NARS2: variants seen among roughly 807,000 people sequenced by gnomAD.
The protein encoded by NARS2 is asparaginyl-tRNA synthetase.
In NARS2, 60 loss-of-function variants were observed where a neutral mutation model predicts 62.9. The ratio of observed to expected loss-of-function variants is 0.95; its 90% CI spans 0.77 to 1.18. The LOEUF is 1.18. Among genes scored for constraint, NARS2 ranks in the 50% most tolerant of loss-of-function variants. NARS2 has a pLI of 0.00. For missense variants in NARS2, 619 were observed against 576.4 expected, an observed-to-expected ratio of 1.07 and a Z score of -0.76; for synonymous variants, 196 against 200.0, an observed-to-expected ratio of 0.98 and a Z score of 0.17.
chr11:78,524,709 G>C (rs1861237617), intron 6 of NARS2, among the ~76,000 whole-genome samples: 1 of 151,848 alleles, frequency 6.6e-6, no homozygotes, highest in Non-Finnish European at 1.5e-5. Context: ...TCTGTCTACT[G>C]AAAGGTTTAA....
intron 6 of NARS2, among the ~76,000 whole-genome samples, chr11:78,499,137 T>G (rs1860187191): frequency 6.6e-6 from 1 of 151,858 alleles, no homozygotes; most frequent in Non-Finnish European, 1.5e-5. Flanking sequence ...AGGATGGTCT[T>G]GATCTCCTGA....
At chr11:78,559,092 C>T (rs1307491107) in intron 5 of NARS2, among the ~76,000 whole-genome samples, 2 of 152,042 alleles carry the variant, frequency 1.3e-5, no homozygotes, top group African/African-American at 4.8e-5. Context: ...ATTACAAGGT[C>T]AAGAGATCGA....
intron 9 of NARS2, among the ~76,000 whole-genome samples, chr11:78,478,182 C>G (rs1859187137): frequency 6.6e-6 from 1 of 151,992 alleles, no homozygotes; most frequent in Non-Finnish European, 1.5e-5. Context: ...TAGATTTTAT[C>G]TTGCTATGAT....
intron 6 of NARS2, among the ~76,000 whole-genome samples, chr11:78,525,030 G>A (rs947069207): frequency 6.6e-6 from 1 of 152,048 alleles, no homozygotes; most frequent in Non-Finnish European, 1.5e-5. Context: ...CTAAGCAAAA[G>A]AAGCCAATCT....
intron 7 of NARS2, among the ~76,000 whole-genome samples, chr11:78,485,365 G>C (rs1813008): frequency 0.3 from 46,069 of 151,718 alleles, 8,423 homozygotes; most frequent in African/African-American, 0.49. Flanking sequence ...AACAAACCTG[G>C]ACGTTCTGCA....
chr11:78,547,759 G>A (rs778835158), intron 5 of NARS2, among the ~76,000 whole-genome samples: 6 of 152,130 alleles, frequency 3.9e-5, no homozygotes, highest in Admixed American at 1.3e-4. Flanking sequence ...TAGTCTTAAG[G>A]CTGAAAGTTC....
intron 5 of NARS2, among the ~76,000 whole-genome samples, chr11:78,535,020 T>C (rs1861620822): frequency 6.6e-6 from 1 of 152,232 alleles, no homozygotes; most frequent in South Asian, 2.1e-4. Context: ...CTGTGGGATA[T>C]AACTGAAAGC....
At chr11:78,501,770 T>C (rs972059874) in intron 6 of NARS2, among the ~76,000 whole-genome samples, 2 of 152,230 alleles carry the variant, frequency 1.3e-5, no homozygotes, top group African/African-American at 4.8e-5. Flanking sequence ...ATAACTGTTA[T>C]GGAAAACAAT....
chr11:78,552,208 A>C (rs1420152558), intron 5 of NARS2, among the ~76,000 whole-genome samples: 2 of 152,154 alleles, frequency 1.3e-5, no homozygotes, highest in African/African-American at 4.8e-5. Context: ...ATAAGTTCTT[A>C]TCATTTAGCT....
intron 4 of NARS2, among the ~76,000 whole-genome samples, chr11:78,561,824 C>G (rs1162915540): frequency 6.6e-6 from 1 of 152,162 alleles, no homozygotes; most frequent in Non-Finnish European, 1.5e-5. Context: ...CTTTGGGAGG[C>G]TGAGGCGGGT....
In NARS2 at chr11:78,436,754, T is replaced by C. The variant is rs1281406867; in HGVS notation, c.1350A>G (p.Glu450=). 3.7e-6 allele frequency: 6 copies of C among 1,614,208 alleles called. No individual in the cohort carries two copies. The South Asian group carries it at 5.5e-5, about 15-fold the overall frequency. Residue 450 remains glutamate, a synonymous_variant, in exon 14 of 14, where the codon GAA becomes GAG. Transcript: ENST00000281038. ...VPHGGFGMGF[E]RYLQCILGVD... ...CACCCAAGATGCACTGCAGGTAGCG[T>C]TCAAATCCCATCCCAAAACCTCCAT...
intron 6 of NARS2, among the ~76,000 whole-genome samples, chr11:78,509,832 AAAAAAAAAAAG>A (rs979702985): frequency 6.6e-6 from 1 of 151,124 alleles, no homozygotes; most frequent in Non-Finnish European, 1.5e-5. Flanking sequence ...GTCTCAAAAA[AAAAAAAAAAAG>A]AAAAGAAAAG....
chr11:78,489,000 C>T (rs1859698587), intron 7 of NARS2, among the ~76,000 whole-genome samples: 1 of 152,074 alleles, frequency 6.6e-6, no homozygotes, highest in South Asian at 2.1e-4. Context: ...GGATCATAGA[C>T]TTACATGAAA....
chr11:78,543,517 A>T (rs1855713922), intron 5 of NARS2, among the ~76,000 whole-genome samples: 1 of 152,172 alleles, frequency 6.6e-6, no homozygotes, highest in African/African-American at 2.4e-5. Context: ...ATGTTTTTTA[A>T]AAAGAAGAAA....
At chr11:78,563,381 C>T (rs951962735) in intron 4 of NARS2, among the ~76,000 whole-genome samples, 2 of 151,740 alleles carry the variant, frequency 1.3e-5, no homozygotes, top group Non-Finnish European at 2.9e-5. Flanking sequence ...CCACGCCCAG[C>T]TAATTTTTGT....
chr11:78,486,573 A>G (rs968382608), intron 7 of NARS2, among the ~76,000 whole-genome samples: 1 of 152,256 alleles, frequency 6.6e-6, no homozygotes, highest in African/African-American at 2.4e-5. Context: ...AATAGAAAGT[A>G]AAATAAAACT....
intron 5 of NARS2, among the ~76,000 whole-genome samples, chr11:78,535,115 T>C (rs549876036): frequency 6.6e-6 from 1 of 152,236 alleles, no homozygotes; most frequent in Non-Finnish European, 1.5e-5. Context: ...ACCAGTTAAC[T>C]GGGTAGCCAT....
intron 5 of NARS2, among the ~76,000 whole-genome samples, chr11:78,543,701 G>C (rs1225627717): frequency 2.0e-5 from 3 of 151,988 alleles, no homozygotes; most frequent in African/African-American, 7.3e-5. Flanking sequence ...ATGTACCCTG[G>C]TACCAAGATC....
rs567454216 is a variant in NARS2 at position 78,574,522 on chromosome 11, C to G, written c.-34G>C. On this transcript the variant is annotated 5_prime_UTR_variant, in exon 1 of 14. Transcript: ENST00000281038. The stretch of plus-strand genomic sequence containing the variant: ...CGCCCAGGCCCTCCGCGGGAGCAGC[C>G]CAGACCCCACGGTTCGAACCCCGCC... The G allele has an allele frequency of 3.2e-6, 5 of 1,570,276 alleles. No homozygotes were observed. The African/African-American group carries it at 5.4e-5, about 17-fold the overall frequency.
Sources: allele counts gnomAD v4.1 joint callset (sites outside exome capture counted in the v4.1 genomes callset), GRCh38; gene constraint gnomAD v4.1.1; transcripts MANE v1.5; gene names NCBI Gene and HGNC (gene_info 2026-07-23, HGNC 2026-07-21).